Variants in ZNF738 observed in about 807,000 individuals in gnomAD.
ZNF738 encodes zinc finger protein 738, also known as protein ZNF738.
A neutral mutation model predicts 9.2 loss-of-function variants in ZNF738; 10 were observed. That is an observed-to-expected ratio of 1.09 (90% confidence interval 0.67 to 1.85). The LOEUF (loss-of-function observed/expected upper bound fraction) is 1.85, where lower values mean the gene tolerates loss of function less well. Ranked by LOEUF, ZNF738 falls within the 40% of genes most tolerant of loss-of-function variation. ZNF738 has a pLI of 0.00. For missense variants in ZNF738, 346 were observed against 283.6 expected (o/e 1.22, Z -1.58); for synonymous variants, 113 against 94.5 (o/e 1.20, Z -1.14).
chr19:21,377,580 GTCTT>G (rs1335481775), intron 4 of ZNF738: 52 of 482,412 alleles, frequency 1.1e-4, no homozygotes, highest in Non-Finnish European at 4.0e-5. Flanking sequence ...ATTGTTTAAT[GTCTT>G]TCTTTGTCTC....
chr19:21,367,145 A>AGG (rs1420924536), intron 2 of ZNF738, among the ~76,000 whole-genome samples: 1 of 152,242 alleles, frequency 6.6e-6, no homozygotes, highest in Non-Finnish European at 1.5e-5. Flanking sequence ...AAGAACACAA[A>AGG]GGATGAAGAA....
chr19:21,364,293 T>C (rs1187637964), intron 2 of ZNF738, among the ~76,000 whole-genome samples: 1 of 151,998 alleles, frequency 6.6e-6, no homozygotes, highest in Non-Finnish European at 1.5e-5. Context: ...AAGGGCTTTT[T>C]TTCATAGAGT....
intron 2 of ZNF738, among the ~76,000 whole-genome samples, chr19:21,365,526 T>TCTTG (rs1479240415): frequency 6.6e-6 from 1 of 152,144 alleles, no homozygotes; most frequent in East Asian, 1.9e-4. Flanking sequence ...GCGATGATAT[T>TCTTG]CTTGCTTAAC....
At chr19:21,363,408 C>T (rs531829622) in intron 2 of ZNF738, among the ~76,000 whole-genome samples, 43 of 152,242 alleles carry the variant, frequency 2.8e-4, no homozygotes, top group African/African-American at 9.9e-4. Context: ...TGCAGATGTT[C>T]TAGCCTGCTC....
chr19:21,383,173 T>C lies in ZNF738; in HGVS notation c.627T>C (p.Cys209=). The C allele has an allele frequency of 1.9e-6, 3 of 1,600,672 alleles. No homozygotes were observed. Among genetic ancestry groups the C allele is most frequent in the African/African-American group, 1.3e-5 (1 of 74,778 alleles). The change falls in exon 5 of 5, where the codon TGT becomes TGC. Residue 209 remains cysteine (C), a synonymous_variant. Coordinates refer to ENST00000683779, the MANE Select transcript of ZNF738 (RefSeq NM_001355237.2). ...AGAAACCTTTCAAATGTAAAAAATG[T>C]GGCAAATCATTTTGCATGCTTTTAC... ...TGKKPFKCKK[C]GKSFCMLLHL... is the part of the protein sequence containing the mutation.
intron 2 of ZNF738, among the ~76,000 whole-genome samples, chr19:21,374,980 T>C (rs1649254733): frequency 6.6e-6 from 1 of 152,206 alleles, no homozygotes; most frequent in African/African-American, 2.4e-5. Flanking sequence ...CATGTTTGTG[T>C]TCATGCCTTT....
chr19:21,370,481 C>G (rs1264568361), intron 2 of ZNF738, among the ~76,000 whole-genome samples: 1 of 152,022 alleles, frequency 6.6e-6, no homozygotes, highest in Admixed American at 6.6e-5. Flanking sequence ...ATTTTTACAT[C>G]TGGTGGAATT....
intron 2 of ZNF738, among the ~76,000 whole-genome samples, chr19:21,370,136 A>G (rs1973838628): frequency 1.3e-5 from 2 of 152,192 alleles, no homozygotes; most frequent in South Asian, 2.1e-4. Flanking sequence ...TTAAACATCT[A>G]TTGAAATGAC....
At chr19:21,369,867 G>T (rs1410330630) in intron 2 of ZNF738, among the ~76,000 whole-genome samples, 1 of 150,862 alleles carries the variant, frequency 6.6e-6, no homozygotes, top group African/African-American at 2.4e-5. Context: ...AGGCTGGAGT[G>T]CTATGGCATG....
At position 21,375,326 on chromosome 19, in the gene ZNF738, A is replaced by C. The variant is rs1160289815; in HGVS notation, c.185A>C (p.Lys62Thr). ...ACTGCTCAGCAAGATTTGTATAGGA[A>C]AGTGATGTTAGAGAACTTCAGAAAC... is the stretch of plus-strand genomic sequence containing the variant. ...LDTAQQDLYR[K>T]VMLENFRNLV... The change falls in exon 3 of 5, where the codon AAA (lysine) becomes ACA (threonine). Residue 62 changes from lysine to threonine, a missense_variant. Lys to Thr is a moderately conservative substitution (Grantham distance 78). Coordinates refer to ENST00000683779, the MANE Select transcript of ZNF738 (RefSeq NM_001355237.2). 1 of 1,052,014 alleles carries C rather than the reference A, an allele frequency of 9.5e-7. No individual in the cohort carries two copies. Among genetic ancestry groups the C allele is most frequent in the African/African-American group, 1.6e-5 (1 of 64,076 alleles). 65.2% of individuals were successfully genotyped at this position (1,052,014 alleles called of 1,614,324 possible).
chr19:21,375,582 A>C (rs1311046123), intron 3 of ZNF738, among the ~76,000 whole-genome samples: 2 of 152,000 alleles, frequency 1.3e-5, no homozygotes, highest in Non-Finnish European at 2.9e-5. Context: ...TGTACCCTTC[A>C]CTCTAGAGTA....
intron 4 of ZNF738, among the ~76,000 whole-genome samples, chr19:21,380,893 T>C (rs1263329552): frequency 2.6e-5 from 4 of 152,096 alleles, no homozygotes; most frequent in Non-Finnish European, 5.9e-5. Context: ...AGCCATTCAG[T>C]AGAGAGCTAA....
At chr19:21,372,445 T>G (rs940881682) in intron 2 of ZNF738, 2 of 151,986 alleles carry the variant, frequency 1.3e-5, no homozygotes, top group Admixed American at 6.6e-5. Context: ...TTTTTGGGGG[T>G]AAATCCTGCT....
rs1449452611 is a variant in ZNF738, at chr19:21,384,958, C to T, written c.*1284C>T. Reference sequence around the variant, plus strand: ...TGTGGCAAACCTTATAACCAGTACTCATACTTTACTACACATAGGAGAATT... The same window carrying T: ...TGTGGCAAACCTTATAACCAGTACTTATACTTTACTACACATAGGAGAATT... On this transcript the variant is annotated 3_prime_UTR_variant, in exon 5 of 5. Coordinates refer to ENST00000683779, the MANE Select transcript of ZNF738 (RefSeq NM_001355237.2). Among the ~76,000 whole-genome samples, 2 of 152,262 alleles carry T rather than the reference C, an allele frequency of 1.3e-5. No individual in the cohort carries two copies. The highest frequency in any genetic ancestry group is 2.9e-5 in the Non-Finnish European group (2 of 68,044).
intron 2 of ZNF738, among the ~76,000 whole-genome samples, chr19:21,373,886 G>A (rs1282368083): frequency 6.6e-6 from 1 of 150,666 alleles, no homozygotes; most frequent in Non-Finnish European, 1.5e-5. Flanking sequence ...CTCTACTTGT[G>A]TTTCTTTCCC....
chr19:21,361,838 G>T lies in ZNF738; in HGVS notation c.76G>T (p.Glu26Ter), dbSNP rs929364897. The T allele has an allele frequency of 1.0e-5, 8 of 780,420 alleles. No homozygotes were observed. The Admixed American group carries it at 1.4e-4, about 13-fold the overall frequency. The allele number at this position is 780,420 out of a possible 1,614,324, so 48.3% of individuals were successfully genotyped here. A position where few individuals can be genotyped will look rare whatever the true frequency, so the allele number is the denominator to read the frequency against. Residue 26 changes from glutamate to a stop codon, truncating the protein, a stop_gained, in exon 2 of 5, where the codon GAG becomes TAG. Transcript: ENST00000683779. LOFTEE classifies it high-confidence loss of function. Reference sequence around the variant, plus strand: ...CCCTGGGGCTGAGAGGAATCTTCTGGAGTACTCTTATTTTGAAAAGGTAAC... The same window carrying T: ...CCCTGGGGCTGAGAGGAATCTTCTGTAGTACTCTTATTTTGAAAAGGTAAC... ...GYPGAERNLL[E>*]YSYFEKGPLT...
intron 1 of ZNF738, among the ~76,000 whole-genome samples, chr19:21,359,488 A>G (rs1973653812): frequency 6.6e-6 from 1 of 152,176 alleles, no homozygotes; most frequent in Non-Finnish European, 1.5e-5. Flanking sequence ...GGGTTCATGA[A>G]TGGGAAGAGG....
chr19:21,366,481 G>T (rs892234680), intron 2 of ZNF738, among the ~76,000 whole-genome samples: 2 of 152,110 alleles, frequency 1.3e-5, no homozygotes, highest in Non-Finnish European at 2.9e-5. Flanking sequence ...CTGGGGGAGG[G>T]ACAGAAGTCT....
intron 2 of ZNF738, among the ~76,000 whole-genome samples, chr19:21,370,695 T>G (rs1259113334): frequency 6.6e-6 from 1 of 152,180 alleles, no homozygotes; most frequent in African/African-American, 2.4e-5. Context: ...TGCCTCAGTT[T>G]TTTTCTTTTA....
Sources: allele counts gnomAD v4.1 joint callset (sites outside exome capture counted in the v4.1 genomes callset), GRCh38; gene constraint gnomAD v4.1.1; transcripts MANE v1.5; gene names NCBI Gene and HGNC (gene_info 2026-07-23, HGNC 2026-07-21).